The following FAM174A variants were observed in gnomAD, a reference collection of about 807,000 sequenced individuals.
The protein encoded by FAM174A is family with sequence similarity 174 member A.
FAM174A carries 14 observed loss-of-function variants against 14.3 expected under a neutral mutation model. The observed-to-expected ratio is 0.98, with a 90% CI of 0.65 to 1.53. The LOEUF is 1.53. FAM174A is among the 40% of genes most tolerant of loss of function. The probability of loss-of-function intolerance (pLI) is 0.00; values close to 1 mark genes in which losing one functional copy is unlikely to be tolerated. For missense variants in FAM174A, 241 were observed against 249.6 expected, an observed-to-expected ratio of 0.97 and a Z score of 0.23; for synonymous variants, 108 against 111.4, an observed-to-expected ratio of 0.97 and a Z score of 0.19.
intron 1 of FAM174A, among the ~76,000 whole-genome samples, chr5:100,560,422 T>C (rs1746499858): frequency 6.6e-6 from 1 of 152,136 alleles, no homozygotes; most frequent in South Asian, 2.1e-4. Context: ...GACCCTTTCA[T>C]TGGTTACATT....
chr5:100,579,454 C>A (rs984576556), intron 2 of FAM174A, among the ~76,000 whole-genome samples: 1 of 151,700 alleles, frequency 6.6e-6, no homozygotes, highest in Non-Finnish European at 1.5e-5. Context: ...GATGGAGTTT[C>A]GGTCTTGTCA....
At chr5:100,585,458 G>C (rs1235006562) in intron 2 of FAM174A, among the ~76,000 whole-genome samples, 1 of 152,036 alleles carries the variant, frequency 6.6e-6, no homozygotes, top group Non-Finnish European at 1.5e-5. Context: ...CTGTTGCCCA[G>C]GCTGGAATAC....
chr5:100,554,174 C>G (rs1746316717), intron 1 of FAM174A, among the ~76,000 whole-genome samples: 1 of 152,000 alleles, frequency 6.6e-6, no homozygotes, highest in East Asian at 1.9e-4. Context: ...TTTCAATATC[C>G]TTAACTTATA....
At chr5:100,549,312 T>TGAGCCTTAG (rs1191005314) in intron 1 of FAM174A, among the ~76,000 whole-genome samples, 3 of 152,152 alleles carry the variant, frequency 2.0e-5, no homozygotes, top group Non-Finnish European at 4.4e-5. Context: ...TCTCACATCC[T>TGAGCCTTAG]GAGCCTTAGG....
In FAM174A at chr5:100,535,948, G is replaced by C. The variant is rs765617668; in HGVS notation, c.418G>C (p.Val140Leu). ...VVSGAVLVYF[V>L]VRTVRMRRRN... ...GAGCGGCGCGGTGCTGGTGTACTTCGTGGTCAGGACGGTCAGGTGAGGCAA... is the reference window on the plus strand; with the variant it reads ...GAGCGGCGCGGTGCTGGTGTACTTCCTGGTCAGGACGGTCAGGTGAGGCAA... The change falls in exon 1 of 3, where the codon GTG (valine) becomes CTG (leucine). Residue 140 changes from valine to leucine, a missense_variant. Val to Leu is a conservative substitution (Grantham distance 32, BLOSUM62 1). Coordinates refer to ENST00000312637, the MANE Select transcript of FAM174A (RefSeq NM_198507.3). 1.9e-6 allele frequency: 3 copies of C among 1,593,280 alleles called. No individual in the cohort carries two copies. The highest frequency in any genetic ancestry group is 2.6e-6 in the Non-Finnish European group (3 of 1,166,076).
chr5:100,563,925 A>C (rs979305107), intron 2 of FAM174A, among the ~76,000 whole-genome samples: 2 of 151,874 alleles, frequency 1.3e-5, no homozygotes, highest in South Asian at 2.1e-4. Context: ...GTAACCCTCC[A>C]TGCTGAAATT....
At chr5:100,566,180 A>ATATATGTACAT (rs371669507) in intron 2 of FAM174A, among the ~76,000 whole-genome samples, 35 of 113,372 alleles carry the variant, frequency 3.1e-4, no homozygotes, top group Non-Finnish European at 5.9e-4. Flanking sequence ...ATGTACATAT[A>ATATATGTACAT]ATATATATAA....
chr5:100,580,019 C>CA (rs1469779484), intron 2 of FAM174A, among the ~76,000 whole-genome samples: 1 of 152,104 alleles, frequency 6.6e-6, no homozygotes, highest in African/African-American at 2.4e-5. Flanking sequence ...TTTCTACACA[C>CA]AAAAAAATTC....
intron 2 of FAM174A, among the ~76,000 whole-genome samples, chr5:100,567,550 T>C (rs1746688754): frequency 6.6e-6 from 1 of 152,030 alleles, no homozygotes; most frequent in African/African-American, 2.4e-5. Flanking sequence ...TGGAAATAAT[T>C]TTAAACTTAC....
chr5:100,543,715 C>T (rs1027626244), intron 1 of FAM174A, among the ~76,000 whole-genome samples: 27 of 152,236 alleles, frequency 1.8e-4, no homozygotes, highest in South Asian at 8.3e-4. Context: ...TCAGCCTCCC[C>T]GAGTGGCTGG....
intron 2 of FAM174A, among the ~76,000 whole-genome samples, chr5:100,580,177 A>G (rs1017697070): frequency 1.3e-5 from 2 of 152,214 alleles, no homozygotes; most frequent in African/African-American, 4.8e-5. Flanking sequence ...AATGGCAACT[A>G]TGTAAGAATT....
intron 2 of FAM174A, among the ~76,000 whole-genome samples, chr5:100,571,025 G>C (rs1446636154): frequency 1.3e-5 from 2 of 151,690 alleles, no homozygotes; most frequent in African/African-American, 4.8e-5. Context: ...TAATAGTCCT[G>C]AGACAAATCC....
At chr5:100,579,874 T>G (rs556286435) in intron 2 of FAM174A, among the ~76,000 whole-genome samples, 1 of 152,336 alleles carries the variant, frequency 6.6e-6, no homozygotes, top group South Asian at 2.1e-4. Context: ...TAGCAGAGTT[T>G]TCATTTATCC....
At chr5:100,549,353 C>G (rs977367472) in intron 1 of FAM174A, among the ~76,000 whole-genome samples, 1 of 152,054 alleles carries the variant, frequency 6.6e-6, no homozygotes, top group East Asian at 1.9e-4. Context: ...AAATCCATGT[C>G]AAGACAAAGA....
intron 2 of FAM174A, among the ~76,000 whole-genome samples, chr5:100,565,977 A>G (rs893945615): frequency 1.3e-5 from 2 of 150,422 alleles, no homozygotes; most frequent in African/African-American, 4.9e-5. Flanking sequence ...AGACTTATTC[A>G]ATATCATAAG....
At chr5:100,575,665 A>G (rs1446446445) in intron 2 of FAM174A, among the ~76,000 whole-genome samples, 1 of 152,238 alleles carries the variant, frequency 6.6e-6, no homozygotes, top group Non-Finnish European at 1.5e-5. Flanking sequence ...AATGGCAACA[A>G]AAGCCAAAAT....
rs542727636 is a variant in FAM174A at position 100,586,570 on chromosome 5, C to T, written c.*386C>T. On this transcript the variant is annotated 3_prime_UTR_variant, in exon 3 of 3. Coordinates refer to ENST00000312637, the MANE Select transcript of FAM174A (RefSeq NM_198507.3). ...TATGTTAAAGAGCTATAAATTCCAA[C>T]AACCAACTGGTGTGTAAAAATAATT... 1.3e-5 allele frequency: 2 copies of T among 154,356 alleles called. No individual in the cohort carries two copies. Among genetic ancestry groups the T allele is most frequent in the East Asian group, 3.8e-4 (2 of 5,328 alleles). 9.6% of individuals were successfully genotyped at this position (154,356 alleles called of 1,614,324 possible).
chr5:100,580,539 A>G (rs1746991101), intron 2 of FAM174A, among the ~76,000 whole-genome samples: 1 of 152,202 alleles, frequency 6.6e-6, no homozygotes, highest in African/African-American at 2.4e-5. Context: ...CTGGGAGGCT[A>G]GGCCAGTCTC....
At chr5:100,569,744 A>C (rs1580374774) in intron 2 of FAM174A, among the ~76,000 whole-genome samples, 1 of 151,976 alleles carries the variant, frequency 6.6e-6, no homozygotes, top group Non-Finnish European at 1.5e-5. Context: ...CACTCTACTA[A>C]GCTCTGGGGA....
Sources: allele counts gnomAD v4.1 joint callset (sites outside exome capture counted in the v4.1 genomes callset), GRCh38; gene constraint gnomAD v4.1.1; transcripts MANE v1.5; gene names NCBI Gene and HGNC (gene_info 2026-07-23, HGNC 2026-07-21).